Variants in KDM2B observed in about 807,000 individuals in gnomAD.
KDM2B encodes lysine-specific demethylase 2B.
A neutral mutation model predicts 150.0 loss-of-function variants in KDM2B; 26 were observed. The observed-to-expected ratio is 0.17, with a 90% confidence interval of 0.13 to 0.24. The LOEUF (loss-of-function observed/expected upper bound fraction) is 0.24, where lower values mean the gene tolerates loss of function less well. Among genes scored for constraint, KDM2B ranks in the 10% least tolerant of loss-of-function variants. The pLI is 1.00. For synonymous variants in KDM2B, 734 were observed against 729.5 expected (o/e 1.01, Z -0.10); for missense variants, 1,265 against 1,816.9 (o/e 0.70, Z 5.52).
intron 6 of KDM2B, among the ~76,000 whole-genome samples, chr12:121,546,379 C>CCTTTT (rs1889044603): frequency 1.0e-5 from 1 of 97,478 alleles, no homozygotes; most frequent in Non-Finnish European, 1.9e-5. Flanking sequence ...TTTTTTTTGC[C>CCTTTT]TTTTTTTTTT....
At chr12:121,472,493 T>C (rs1454946055) in intron 12 of KDM2B, among the ~76,000 whole-genome samples, 3 of 152,208 alleles carry the variant, frequency 2.0e-5, no homozygotes, top group African/African-American at 7.2e-5. Context: ...TCCACAAGCA[T>C]TTAAAAACCA....
the KDM2B span, chr12:121,423,433 C>T: frequency 3.7e-6 from 6 of 1,612,664 alleles, no homozygotes; most frequent in South Asian, 2.2e-5. The surrounding 1 kb of genome is among the most constrained non-coding windows in gnomAD (Gnocchi z 4.3). Flanking sequence ...CAGCCTGTGT[C>T]GCATCTGCAT....
In KDM2B at chr12:121,468,861, T is replaced by C. The variant is rs1880415842; in HGVS notation, c.1735-15517A>G. On this transcript the variant is annotated intron_variant, in intron 12 of 22. Transcript: ENST00000377071. This position sits in a 1 kb window ranked among gnomAD's most constrained non-coding sequence, Gnocchi z 4.0. The stretch of plus-strand genomic sequence containing the variant: ...CACTATAGAAAAAATCCCAGTCGAC[T>C]TGCTCTTTGCCGAAACGTATCTGTT... 1 of 152,218 alleles carries C rather than the reference T, an allele frequency of 6.6e-6. No homozygotes were observed. Among genetic ancestry groups the C allele is most frequent in the African/African-American group, 2.4e-5 (1 of 41,452 alleles). 9.4% of individuals were successfully genotyped at this position (152,218 alleles called of 1,614,324 possible). A position where few individuals can be genotyped will look rare whatever the true frequency, so the allele number is the denominator to read the frequency against.
chr12:121,414,877 TGA>T, the KDM2B span, among the ~76,000 whole-genome samples: 1 of 152,332 alleles, frequency 6.6e-6, no homozygotes, highest in Non-Finnish European at 1.5e-5. Flanking sequence ...GTGGATCACC[TGA>T]GGTCAGGAGT....
At chr12:121,543,807 A>ACC (rs1555310113) in intron 6 of KDM2B, among the ~76,000 whole-genome samples, 1 of 149,720 alleles carries the variant, frequency 6.7e-6, no homozygotes, top group Non-Finnish European at 1.5e-5. Context: ...ACAGAGTGAG[A>ACC]CTCCGTCTAA....
At position 121,453,528 on chromosome 12, in the gene KDM2B, G is replaced by A. The variant is rs1471602896; in HGVS notation, c.1735-184C>T. Among the ~76,000 whole-genome samples, 1 of 152,252 alleles carries A rather than the reference G, an allele frequency of 6.6e-6. No individual in the cohort carries two copies. The highest frequency in any genetic ancestry group is 1.5e-5 in the Non-Finnish European group (1 of 68,042). On this transcript the variant is annotated intron_variant, in intron 12 of 22. Coordinates refer to ENST00000377071, the MANE Select transcript of KDM2B (RefSeq NM_032590.5). The surrounding 1 kb of genome is among the most constrained non-coding windows in gnomAD (Gnocchi z 6.4). ...CTTTGCAGAGACCGTCAGGTTAAAC[G>A]AGGTAATTCAGGTGAACGCTAATCC...
rs1877763604 is a variant in KDM2B at position 121,453,857 on chromosome 12, G to A, written c.1735-513C>T. Among the ~76,000 whole-genome samples the A allele has an allele frequency of 6.6e-6, 1 of 152,180 alleles. No individual in the cohort carries two copies. The highest frequency in any genetic ancestry group is 1.5e-5 in the Non-Finnish European group (1 of 68,022). ...CGTTATGGCAGCCCTAGGAGAGGAC[G>A]ACAGAGGGCGCGTGCTTCTTGCCGC... On this transcript the variant is annotated intron_variant, in intron 12 of 22. Transcript: ENST00000377071. This position sits in a 1 kb window ranked among gnomAD's most constrained non-coding sequence, Gnocchi z 6.4.
chr12:121,556,226 G>A (rs1170378704), intron 4 of KDM2B, among the ~76,000 whole-genome samples: 1 of 151,886 alleles, frequency 6.6e-6, no homozygotes, highest in Non-Finnish European at 1.5e-5. Context: ...CACTCGGCCT[G>A]TTTTTTGTTT....
intron 1 of KDM2B, chr12:121,579,477 G>C (rs1294015287): frequency 6.8e-6 from 5 of 737,444 alleles, no homozygotes; most frequent in African/African-American, 1.8e-5. Flanking sequence ...GAAATGGAAG[G>C]GCTGAGACCC....
intron 6 of KDM2B, 54 bp from the exon 7 acceptor site, chr12:121,534,644 C>A: frequency 7.2e-7 from 1 of 1,387,006 alleles, no homozygotes; most frequent in South Asian, 1.2e-5. Flanking sequence ...AATCACAAGA[C>A]GTAAGCAAAG....
At chr12:121,461,145 T>TA (rs1455788866) in intron 12 of KDM2B, among the ~76,000 whole-genome samples, 1 of 151,944 alleles carries the variant, frequency 6.6e-6, no homozygotes, top group Non-Finnish European at 1.5e-5. Context: ...AGGTGGGTCT[T>TA]AGAGGGAGAA....
At chr12:121,433,565 T>C (rs1873425352) in intron 22 of KDM2B, among the ~76,000 whole-genome samples, 2 of 152,162 alleles carry the variant, frequency 1.3e-5, no homozygotes, top group African/African-American at 4.8e-5. Context: ...TTGAAGACTA[T>C]AAAGCATTGC....
intron 11 of KDM2B, among the ~76,000 whole-genome samples, chr12:121,495,473 T>A (rs182594409): frequency 1.4e-3 from 219 of 152,284 alleles, no homozygotes; most frequent in African/African-American, 5.0e-3. Context: ...AATTTTTAAA[T>A]TTTTTTGTGC....
chr12:121,417,974 G>A, the KDM2B span: 1 of 1,511,482 alleles, frequency 6.6e-7, no homozygotes, highest in Non-Finnish European at 9.0e-7. The surrounding 1 kb of genome is among the most constrained non-coding windows in gnomAD (Gnocchi z 5.0). Context: ...GTATATGGTG[G>A]GGCCTTTAGT....
At chr12:121,540,273 T>C (rs543294367) in intron 6 of KDM2B, among the ~76,000 whole-genome samples, 1 of 152,312 alleles carries the variant, frequency 6.6e-6, no homozygotes, top group Non-Finnish European at 1.5e-5. Flanking sequence ...TGGGGTCTAG[T>C]GCATGGCCCA....
At chr12:121,532,252 T>TAG (rs1448235686) in intron 8 of KDM2B, among the ~76,000 whole-genome samples, 1 of 152,110 alleles carries the variant, frequency 6.6e-6, no homozygotes, top group Admixed American at 6.5e-5. Flanking sequence ...CCCTGACCCC[T>TAG]AGGTCATCAG....
chr12:121,465,381 C>A (rs1281718787), intron 12 of KDM2B, among the ~76,000 whole-genome samples: 1 of 152,124 alleles, frequency 6.6e-6, no homozygotes, highest in African/African-American at 2.4e-5. Context: ...TTAAAGGCAC[C>A]GGCCACCACG....
At chr12:121,528,037 GCTAACA>G (rs1177753257) in intron 8 of KDM2B, among the ~76,000 whole-genome samples, 3 of 152,146 alleles carry the variant, frequency 2.0e-5, no homozygotes, top group South Asian at 4.1e-4. Context: ...TAATTATAAG[GCTAACA>G]CCTGGTGACC....
rs77344382 is a variant in KDM2B at position 121,574,436 on chromosome 12, G to A, written c.397+111C>T. On this transcript the variant is annotated intron_variant, in intron 4 of 22. Transcript: ENST00000377071. ...CACACCTGCTCCTGCCTTCTCCCGT[G>A]GGGACTTTGTTTTGAGAGGCAGTTA... is the stretch of plus-strand genomic sequence containing the variant. 6.5e-3 allele frequency: 6,296 copies of A among 971,086 alleles called. 290 individuals are homozygous for A. In the African/African-American group the frequency reaches 0.092, roughly 14 times the overall value. 60.2% of individuals were successfully genotyped at this position (971,086 alleles called of 1,614,324 possible).
Sources: allele counts gnomAD v4.1 joint callset (sites outside exome capture counted in the v4.1 genomes callset), GRCh38; gene constraint gnomAD v4.1.1; non-coding constraint Gnocchi (gnomAD v3.1); transcripts MANE v1.5; gene names NCBI Gene and HGNC (gene_info 2026-07-23, HGNC 2026-07-21).